TUSC3: variants seen among roughly 807,000 people sequenced by gnomAD.
The protein encoded by TUSC3 is tumor suppressor candidate 3, also known as dolichyl-diphosphooligosaccharide--protein glycosyltransferase subunit TUSC3.
In TUSC3, 45 loss-of-function variants were observed where a neutral mutation model predicts 44.8. The ratio of observed to expected loss-of-function variants is 1.00; its 90% CI spans 0.79 to 1.29. The LOEUF is 1.29. Among genes scored for constraint, TUSC3 ranks in the 50% most tolerant of loss-of-function variants. The pLI is 0.00. For missense variants in TUSC3, 519 were observed against 437.9 expected (o/e 1.19, Z -1.65); for synonymous variants, 212 against 152.9 (o/e 1.39, Z -2.85).
intron 1 of TUSC3, among the ~76,000 whole-genome samples, chr8:15,583,866 T>C (rs372619377): frequency 6.6e-6 from 1 of 152,192 alleles, no homozygotes; most frequent in Non-Finnish European, 1.5e-5. Flanking sequence ...TTATTAGAGA[T>C]CTTTCTTAAA....
intron 5 of TUSC3, among the ~76,000 whole-genome samples, chr8:15,668,420 A>G (rs1807778049): frequency 6.6e-6 from 1 of 151,702 alleles, no homozygotes; most frequent in African/African-American, 2.4e-5. Context: ...TTTGTTGACC[A>G]TTCAACAAGA....
At chr8:15,784,266 C>A in the TUSC3 span, among the ~76,000 whole-genome samples, 1 of 151,990 alleles carries the variant, frequency 6.6e-6, no homozygotes, top group South Asian at 2.1e-4. Flanking sequence ...ATCAGTACAG[C>A]CATTTTAGAA....
the TUSC3 span, among the ~76,000 whole-genome samples, chr8:15,801,324 G>A: frequency 6.6e-6 from 1 of 152,108 alleles, no homozygotes; most frequent in Non-Finnish European, 1.5e-5. Context: ...TGGGAGATTA[G>A]TGGTATGGAG....
In TUSC3 at chr8:15,595,802, T is replaced by C. The variant is rs918996391; in HGVS notation, c.139-27278T>C. ...ATTCAAGAAGTAAAATTCTACTATGTGTGTGGAAATAAAAATAGACTTAAG... is the reference window on the plus strand; with the variant it reads ...ATTCAAGAAGTAAAATTCTACTATGCGTGTGGAAATAAAAATAGACTTAAG... On this transcript the variant is annotated intron_variant, in intron 1 of 10. Transcript: ENST00000503731. Among the ~76,000 whole-genome samples, 16 of 152,180 alleles carry C rather than the reference T, an allele frequency of 1.1e-4. 1 individual carries two copies. Among genetic ancestry groups the C allele is most frequent in the African/African-American group, 3.6e-4 (15 of 41,460 alleles).
intron 6 of TUSC3, among the ~76,000 whole-genome samples, chr8:15,702,430 T>A (rs534999421): frequency 8.5e-5 from 13 of 152,280 alleles, no homozygotes; most frequent in Non-Finnish European, 1.6e-4. Flanking sequence ...TTCTTTGAAA[T>A]GCTTAATAGT....
At chr8:15,433,028 T>A (rs1799889809) in intron 1 of TUSC3, among the ~76,000 whole-genome samples, 1 of 152,198 alleles carries the variant, frequency 6.6e-6, no homozygotes, top group African/African-American at 2.4e-5. Context: ...GCAATTCCCT[T>A]AGAAACTGAA....
intron 1 of TUSC3, among the ~76,000 whole-genome samples, chr8:15,619,847 T>G (rs966704768): frequency 6.6e-6 from 1 of 152,098 alleles, no homozygotes; most frequent in African/African-American, 2.4e-5. Flanking sequence ...ATAGGACAGA[T>G]TATATTTATG....
At chr8:15,664,136 T>A in intron 5 of TUSC3, among the ~76,000 whole-genome samples, 1 of 151,758 alleles carries the variant, frequency 6.6e-6, no homozygotes, top group East Asian at 1.9e-4. Flanking sequence ...ATTTATATTG[T>A]CCTCATTTAT....
At chr8:15,672,392 T>C (rs1807987114) in intron 5 of TUSC3, among the ~76,000 whole-genome samples, 1 of 151,954 alleles carries the variant, frequency 6.6e-6, no homozygotes, top group African/African-American at 2.4e-5. Context: ...GTTTAAATGC[T>C]CTACATGGAT....
In TUSC3 at chr8:15,559,172, G is replaced by A. The variant is rs1414714994; in HGVS notation, c.138+18604G>A. Among the ~76,000 whole-genome samples, 9 of 142,306 alleles carry A rather than the reference G, an allele frequency of 6.3e-5. No homozygotes were observed. In the South Asian group the frequency reaches 2.0e-3, roughly 32 times the overall value. The allele number at this position is 142,306 out of a possible 152,430, so 93.4% of individuals were successfully genotyped here. ...TAAATTTCCCTCTACACACTGCTTT[G>A]AATGCGTCCCAGAGATTCTGGTATG... On this transcript the variant is annotated intron_variant, in intron 1 of 10. Transcript: ENST00000503731.
chr8:15,653,214 A>G (rs565538678), intron 3 of TUSC3, among the ~76,000 whole-genome samples: 12 of 152,292 alleles, frequency 7.9e-5, no homozygotes, highest in African/African-American at 2.9e-4. Context: ...CAGATTGGAG[A>G]GAGGATTTGC....
the TUSC3 span, among the ~76,000 whole-genome samples, chr8:15,788,667 A>G: frequency 2.0e-5 from 3 of 152,214 alleles, no homozygotes; most frequent in Non-Finnish European, 4.4e-5. Context: ...GAAGAGTACT[A>G]TCAGGTGAAA....
intron 3 of TUSC3, among the ~76,000 whole-genome samples, chr8:15,651,857 TATC>T (rs1456874018): frequency 6.6e-6 from 1 of 152,234 alleles, no homozygotes; most frequent in Non-Finnish European, 1.5e-5. Flanking sequence ...GTCATGGTTG[TATC>T]ATCATCATTG....
chr8:15,617,693 C>G (rs1805057114), intron 1 of TUSC3, among the ~76,000 whole-genome samples: 1 of 152,166 alleles, frequency 6.6e-6, no homozygotes, highest in Non-Finnish European at 1.5e-5. Context: ...TTCTCTTTGG[C>G]TTTAAGAATA....
At chr8:15,828,433 GA>G in the TUSC3 span, among the ~76,000 whole-genome samples, 2 of 152,226 alleles carry the variant, frequency 1.3e-5, no homozygotes, top group Non-Finnish European at 2.9e-5. Flanking sequence ...AGCACTATTT[GA>G]TTTAAGAGAT....
intron 1 of TUSC3, among the ~76,000 whole-genome samples, chr8:15,447,361 A>G (rs997885722): frequency 6.6e-6 from 1 of 152,188 alleles, no homozygotes; most frequent in African/African-American, 2.4e-5. Flanking sequence ...AAAGACAAAA[A>G]TTAAAAATAA....
intron 2 of TUSC3, among the ~76,000 whole-genome samples, chr8:15,513,191 A>G (rs1041042455): frequency 6.6e-6 from 1 of 151,872 alleles, no homozygotes; most frequent in Non-Finnish European, 1.5e-5. Context: ...TCTCTAAAAC[A>G]TAAGATTAAG....
the TUSC3 span, among the ~76,000 whole-genome samples, chr8:15,817,779 C>T: frequency 6.6e-6 from 1 of 152,122 alleles, no homozygotes; most frequent in African/African-American, 2.4e-5. Context: ...AGCAGTGTGA[C>T]AGCAGACTAA....
intron 1 of TUSC3, among the ~76,000 whole-genome samples, chr8:15,589,189 G>A (rs1370007604): frequency 6.6e-6 from 1 of 152,024 alleles, no homozygotes; most frequent in African/African-American, 2.4e-5. Flanking sequence ...TTTACTTTGA[G>A]CCTATATGTG....
Sources: gnomAD v4.1 joint callset for allele counts (sites outside exome capture counted in the v4.1 genomes callset) on GRCh38, gnomAD v4.1.1 for gene constraint, MANE v1.5 for transcripts, NCBI Gene and HGNC (gene_info 2026-07-23, HGNC 2026-07-21) for gene names.